The following UBE2H variants were observed in gnomAD, a reference collection of about 807,000 sequenced individuals.
UBE2H encodes the protein ubiquitin-conjugating enzyme E2 H.
In UBE2H, 3 loss-of-function variants were observed where a neutral mutation model predicts 29.0. The ratio of observed to expected loss-of-function variants is 0.10; its 90% confidence interval spans 0.05 to 0.27. The LOEUF is 0.27. Among genes scored for constraint, UBE2H ranks in the 10% least tolerant of loss-of-function variants. The pLI, the probability that UBE2H is intolerant of heterozygous loss-of-function variation, is 1.00. For synonymous variants in UBE2H, 69 were observed against 82.9 expected, an observed-to-expected ratio of 0.83 and a Z score of 0.91; for missense variants, 68 against 228.2, an observed-to-expected ratio of 0.30 and a Z score of 4.52.
At chr7:129,898,496 T>C (rs1028059773) in intron 1 of UBE2H, among the ~76,000 whole-genome samples, 3 of 152,074 alleles carry the variant, frequency 2.0e-5, no homozygotes, top group African/African-American at 4.8e-5. Context: ...TCACAAGGAG[T>C]AGTACTTCCT....
chr7:129,912,025 A>G (rs538450885), intron 1 of UBE2H, among the ~76,000 whole-genome samples: 82 of 152,276 alleles, frequency 5.4e-4, no homozygotes, highest in Middle Eastern at 3.4e-3. Context: ...CCTTTAATAC[A>G]TGTACACAGA....
intron 1 of UBE2H, among the ~76,000 whole-genome samples, chr7:129,937,755 G>A (rs1444089197): frequency 6.6e-6 from 1 of 152,056 alleles, no homozygotes; most frequent in Admixed American, 6.6e-5. Context: ...CAAAAGAAAG[G>A]TATTTTAAAT....
intron 1 of UBE2H, among the ~76,000 whole-genome samples, chr7:129,891,142 A>C (rs1806477012): frequency 6.6e-6 from 1 of 151,898 alleles, no homozygotes. Flanking sequence ...TCAAAAAAAA[A>C]AATAGTCAAC....
chr7:129,936,892 C>T (rs1807541532), intron 1 of UBE2H, among the ~76,000 whole-genome samples: 1 of 148,084 alleles, frequency 6.8e-6, no homozygotes, highest in South Asian at 2.2e-4. Context: ...GCAGGAAAAT[C>T]GCTTGAACTG....
At chr7:129,882,371 A>G (rs1806272867) in intron 1 of UBE2H, among the ~76,000 whole-genome samples, 1 of 152,228 alleles carries the variant, frequency 6.6e-6, no homozygotes, top group African/African-American at 2.4e-5. Flanking sequence ...TGTTAATACA[A>G]AACAGAAACA....
At chr7:129,921,178 C>T (rs548002476) in intron 1 of UBE2H, among the ~76,000 whole-genome samples, 1 of 152,200 alleles carries the variant, frequency 6.6e-6, no homozygotes, top group South Asian at 2.1e-4. Context: ...TTCTGCTAGA[C>T]TGTGTCACTG....
chr7:129,897,149 T>G (rs1386185745), intron 1 of UBE2H, among the ~76,000 whole-genome samples: 3 of 152,144 alleles, frequency 2.0e-5, no homozygotes, highest in Non-Finnish European at 4.4e-5. Flanking sequence ...TTCCTTTCCT[T>G]CCCTACACTG....
At position 129,952,685 on chromosome 7, in the gene UBE2H, G is replaced by GTT; in HGVS notation, c.-131_-130insAA. On this transcript the variant is annotated 5_prime_UTR_variant, in exon 1 of 7. Coordinates refer to ENST00000355621, the MANE Select transcript of UBE2H (RefSeq NM_003344.4). ...ACACCCCCGCGGTCCCGGCGGTCCC[G>GTT]TCAGCCGCCGCCGCCGCCCCCCGCA... 9.4e-7 allele frequency: 1 copy of GTT among 1,060,780 alleles called. No homozygotes were observed. Among genetic ancestry groups the GTT allele is most frequent in the Non-Finnish European group, 1.3e-6 (1 of 797,656 alleles). The allele number at this position is 1,060,780 out of a possible 1,614,324, so 65.7% of individuals were successfully genotyped here.
At position 129,927,369 on chromosome 7, in the gene UBE2H, G is replaced by A. The variant is rs552085458; in HGVS notation, c.53+25134C>T. Among the ~76,000 whole-genome samples the A allele has an allele frequency of 2.6e-5, 4 of 152,004 alleles. No homozygotes were observed. In the South Asian group the frequency reaches 6.2e-4, roughly 24 times the overall value. ...AGCCTGGCCAAGATCGTGAAACCCC[G>A]TCTCTACTAAAAATACAAAAATTAG... On this transcript the variant is annotated intron_variant, in intron 1 of 6. Transcript: ENST00000355621.
intron 6 of UBE2H, 23 bp from the exon 7 acceptor site, chr7:129,835,084 A>G: frequency 6.2e-7 from 1 of 1,612,960 alleles, no homozygotes; most frequent in Non-Finnish European, 8.5e-7. Context: ...GGAGAAAGAC[A>G]ACAAGGGCAG....
chr7:129,948,815 C>T (rs1807816013), intron 1 of UBE2H: 1 of 268,740 alleles, frequency 3.7e-6, no homozygotes, highest in Non-Finnish European at 7.7e-6. Flanking sequence ...CTTAATTTTT[C>T]TAAACATTTC....
intron 1 of UBE2H, among the ~76,000 whole-genome samples, chr7:129,927,183 A>G (rs1807287284): frequency 6.6e-6 from 1 of 152,350 alleles, no homozygotes; most frequent in African/African-American, 2.4e-5. Context: ...AATAAAACAG[A>G]GACACTAAAA....
intron 1 of UBE2H, among the ~76,000 whole-genome samples, chr7:129,901,017 T>C (rs866533761): frequency 2.6e-5 from 4 of 152,336 alleles, no homozygotes; most frequent in Middle Eastern, 3.4e-3. Flanking sequence ...CCCAAAGTGC[T>C]GGGATTAACA....
chr7:129,839,717 GTTTT>G, intron 5 of UBE2H: 2 of 223,360 alleles, frequency 9.0e-6, no homozygotes, highest in Non-Finnish European at 1.7e-5. Context: ...TTTTTTGTTT[GTTTT>G]TTTTTTTGAG....
intron 5 of UBE2H, among the ~76,000 whole-genome samples, chr7:129,856,730 G>T (rs746166117): frequency 6.6e-6 from 1 of 152,170 alleles, no homozygotes; most frequent in African/African-American, 2.4e-5. Flanking sequence ...CACACAGTTT[G>T]AACTGCATGG....
intron 1 of UBE2H, among the ~76,000 whole-genome samples, chr7:129,926,483 G>A (rs1266481804): frequency 6.6e-6 from 1 of 150,566 alleles, no homozygotes; most frequent in African/African-American, 2.4e-5. Context: ...CACTCCGCCT[G>A]GGCAACAAGA....
At chr7:129,845,898 TG>T (rs1376515064) in intron 5 of UBE2H, among the ~76,000 whole-genome samples, 1 of 152,144 alleles carries the variant, frequency 6.6e-6, no homozygotes, top group African/African-American at 2.4e-5. Context: ...TTACTAAAAG[TG>T]ACTATAAGAT....
chr7:129,854,918 G>GA lies in UBE2H; in HGVS notation c.298+2592dup, dbSNP rs1375063202. ...CAACCTTGAAAACATTATGCAAAGT[G>GA]AAAAAAAAAACAGTCACAAAAGACC... On this transcript the variant is annotated intron_variant, in intron 5 of 6. Coordinates refer to ENST00000355621, the MANE Select transcript of UBE2H (RefSeq NM_003344.4). 7.6e-3 allele frequency among the ~76,000 whole-genome samples: 1,105 copies of GA among 145,548 alleles called. 5 individuals carry two copies. Among genetic ancestry groups the GA allele is most frequent in the South Asian group, 9.8e-3 (45 of 4,582 alleles).
intron 1 of UBE2H, among the ~76,000 whole-genome samples, chr7:129,924,805 G>A (rs1807232034): frequency 6.6e-6 from 1 of 152,044 alleles, no homozygotes; most frequent in East Asian, 1.9e-4. Context: ...GCCGCACAGA[G>A]CCAAGGACGA....
Sources: allele counts gnomAD v4.1 joint callset (sites outside exome capture counted in the v4.1 genomes callset), GRCh38; gene constraint gnomAD v4.1.1; transcripts MANE v1.5; gene names NCBI Gene and HGNC (gene_info 2026-07-23, HGNC 2026-07-21).